Variants in FSHR observed in about 807,000 individuals in gnomAD.
FSHR encodes the protein follicle stimulating hormone receptor, also known as follicle-stimulating hormone receptor.
Under a neutral mutation model 52.1 loss-of-function variants are expected in FSHR, and 46 were observed. The ratio of observed to expected loss-of-function variants is 0.88; its 90% CI spans 0.70 to 1.13. The LOEUF is 1.13. Among genes scored for constraint, FSHR ranks in the 50% most tolerant of loss-of-function variants. The probability of loss-of-function intolerance (pLI) is 0.00; values close to 1 mark genes in which losing one functional copy is unlikely to be tolerated. For missense variants in FSHR, 964 were observed against 834.6 expected, an observed-to-expected ratio of 1.16 and a Z score of -1.91; for synonymous variants, 399 against 309.6, an observed-to-expected ratio of 1.29 and a Z score of -3.03.
intron 1 of FSHR, among the ~76,000 whole-genome samples, chr2:49,119,029 C>T (rs1003794508): frequency 6.6e-6 from 1 of 152,194 alleles, no homozygotes; most frequent in African/African-American, 2.4e-5. Flanking sequence ...TAGACACCAA[C>T]AGGATCCAGG....
chr2:49,079,838 G>T (rs538329590), intron 1 of FSHR, among the ~76,000 whole-genome samples: 3 of 151,604 alleles, frequency 2.0e-5, no homozygotes, highest in African/African-American at 7.3e-5. Context: ...CAAAAATCCC[G>T]CACTAAAATT....
chr2:49,027,262 C>T (rs866532031), intron 2 of FSHR, among the ~76,000 whole-genome samples: 3 of 152,196 alleles, frequency 2.0e-5, no homozygotes, highest in Non-Finnish European at 4.4e-5. Flanking sequence ...ACCAATAGTT[C>T]TTAACAGCCG....
intron 1 of FSHR, among the ~76,000 whole-genome samples, chr2:49,085,762 C>A (rs1341179818): frequency 6.6e-6 from 1 of 152,156 alleles, no homozygotes; most frequent in African/African-American, 2.4e-5. Context: ...GGCACATATA[C>A]ACCATGGAAT....
chr2:49,095,588 G>A (rs1670795434), intron 1 of FSHR, among the ~76,000 whole-genome samples: 1 of 152,046 alleles, frequency 6.6e-6, no homozygotes, highest in South Asian at 2.1e-4. Context: ...TAAATATGAT[G>A]CCCAAAGCAT....
chr2:49,067,660 T>C (rs1034198786), intron 2 of FSHR, among the ~76,000 whole-genome samples: 2 of 152,090 alleles, frequency 1.3e-5, no homozygotes, highest in African/African-American at 4.8e-5. Context: ...GGGAAAACTC[T>C]AAATTAGACT....
chr2:49,112,428 C>T (rs1360589301), intron 1 of FSHR, among the ~76,000 whole-genome samples: 1 of 152,006 alleles, frequency 6.6e-6, no homozygotes, highest in African/African-American at 2.4e-5. Context: ...GTTGGTAAAC[C>T]TAGATGAAAC....
chr2:48,978,697 C>T (rs1012354022), intron 8 of FSHR, among the ~76,000 whole-genome samples: 6 of 152,164 alleles, frequency 3.9e-5, no homozygotes, highest in Admixed American at 2.6e-4. Flanking sequence ...TCAAGACTCA[C>T]AAGGGGGAAA....
intron 1 of FSHR, among the ~76,000 whole-genome samples, chr2:49,140,821 T>A (rs1672659077): frequency 6.6e-6 from 1 of 152,214 alleles, no homozygotes; most frequent in African/African-American, 2.4e-5. Context: ...ATGGGATTTT[T>A]AAAATACTAT....
At chr2:49,144,997 A>C (rs577279623) in intron 1 of FSHR, among the ~76,000 whole-genome samples, 1 of 152,230 alleles carries the variant, frequency 6.6e-6, no homozygotes, top group South Asian at 2.1e-4. Context: ...TTGGAGGGCT[A>C]TGGCCTTTGT....
intron 1 of FSHR, among the ~76,000 whole-genome samples, chr2:49,074,813 A>G (rs922689791): frequency 1.3e-5 from 2 of 152,286 alleles, no homozygotes; most frequent in East Asian, 1.9e-4. Context: ...AATGCGGTAT[A>G]TATACATAAT....
chr2:49,024,034 C>G (rs1240713630), intron 2 of FSHR, among the ~76,000 whole-genome samples: 1 of 152,136 alleles, frequency 6.6e-6, no homozygotes, highest in African/African-American at 2.4e-5. Context: ...CAACCTCTTA[C>G]AGAGTCATAT....
chr2:49,080,120 G>C (rs73931521), intron 1 of FSHR, among the ~76,000 whole-genome samples: 29,637 of 152,144 alleles, frequency 0.19, 2,994 homozygotes, highest in African/African-American at 0.26. Flanking sequence ...ATCTTCAGTA[G>C]TAATCAAGAA....
intron 1 of FSHR, among the ~76,000 whole-genome samples, chr2:49,078,008 T>C (rs767215545): frequency 2.0e-5 from 3 of 152,210 alleles, no homozygotes; most frequent in African/African-American, 2.4e-5. Context: ...CTCTGCCTGT[T>C]ACCCAGTTCC....
chr2:49,063,763 T>G (rs1669401357), intron 2 of FSHR, among the ~76,000 whole-genome samples: 1 of 152,118 alleles, frequency 6.6e-6, no homozygotes, highest in South Asian at 2.1e-4. Context: ...TATAGCACTG[T>G]AGGGCAACTA....
intron 4 of FSHR, among the ~76,000 whole-genome samples, chr2:48,995,199 A>G (rs1675970984): frequency 6.6e-6 from 1 of 152,064 alleles, no homozygotes. Context: ...GTTTTATCCA[A>G]GGAGGAAGGC....
intron 2 of FSHR, among the ~76,000 whole-genome samples, chr2:49,045,305 G>A (rs1668618080): frequency 6.6e-6 from 1 of 152,048 alleles, no homozygotes; most frequent in Admixed American, 6.6e-5. Context: ...GCTGGTTTAG[G>A]CAGACAAATC....
intron 4 of FSHR, among the ~76,000 whole-genome samples, chr2:49,005,945 A>G (rs752556336): frequency 6.6e-6 from 1 of 152,154 alleles, no homozygotes; most frequent in Non-Finnish European, 1.5e-5. Context: ...GTACCATCTA[A>G]TCAGCTGCCA....
chr2:49,074,252 C>T (rs1423181567), intron 1 of FSHR, among the ~76,000 whole-genome samples: 1 of 151,940 alleles, frequency 6.6e-6, no homozygotes, highest in African/African-American at 2.4e-5. Flanking sequence ...AAAAGATAAC[C>T]TATAGAATGG....
chr2:49,017,360 C>T (rs934410601), intron 4 of FSHR, 129 bp downstream of exon 4: 2 of 674,818 alleles, frequency 3.0e-6, no homozygotes, highest in Non-Finnish European at 5.3e-6. Context: ...CTCTCCACCT[C>T]CACTTCTGCC....
Sources: gnomAD v4.1 joint callset for allele counts (sites outside exome capture counted in the v4.1 genomes callset) on GRCh38, gnomAD v4.1.1 for gene constraint, MANE v1.5 for transcripts, NCBI Gene and HGNC (gene_info 2026-07-23, HGNC 2026-07-21) for gene names.